DCC: variants seen among roughly 807,000 people sequenced by gnomAD.
DCC encodes netrin receptor DCC.
Under a neutral mutation model 172.5 loss-of-function variants are expected in DCC, and 58 were observed. That is an observed-to-expected ratio of 0.34 (90% confidence interval 0.27 to 0.42). The LOEUF (loss-of-function observed/expected upper bound fraction) is 0.42, where lower values mean the gene tolerates loss of function less well. DCC is among the 10% of genes least tolerant of loss of function. The pLI is 1.00. For synonymous variants in DCC, 709 were observed against 644.5 expected, an observed-to-expected ratio of 1.10 and a Z score of -1.52; for missense variants, 1,740 against 1,791.0, an observed-to-expected ratio of 0.97 and a Z score of 0.51.
intron 1 of DCC, among the ~76,000 whole-genome samples, chr18:52,584,028 C>A (rs2033616133): frequency 6.6e-6 from 1 of 152,162 alleles, no homozygotes; most frequent in Non-Finnish European, 1.5e-5. Context: ...CTTGAAACAG[C>A]ATTTTTTTCA....
chr18:52,645,636 T>C (rs1381530885), intron 1 of DCC, among the ~76,000 whole-genome samples: 1 of 152,086 alleles, frequency 6.6e-6, no homozygotes, highest in Non-Finnish European at 1.5e-5. Flanking sequence ...GTGGACATCA[T>C]AAAGAATAAA....
intron 1 of DCC, among the ~76,000 whole-genome samples, chr18:52,355,891 G>A (rs983405480): frequency 2.0e-5 from 3 of 152,046 alleles, no homozygotes; most frequent in Middle Eastern, 3.2e-3. Flanking sequence ...GTAATTTGGG[G>A]ACCTTACCCA....
chr18:53,289,914 A>G (rs909983689), intron 12 of DCC, among the ~76,000 whole-genome samples: 2 of 152,160 alleles, frequency 1.3e-5, no homozygotes, highest in Admixed American at 6.5e-5. Context: ...TTTTTCAGAA[A>G]ATGGGAATGG....
chr18:52,510,119 CAAA>C (rs34308021), intron 1 of DCC, among the ~76,000 whole-genome samples: 5 of 132,970 alleles, frequency 3.8e-5, no homozygotes, highest in East Asian at 2.1e-4. Flanking sequence ...GCATCCCCTT[CAAA>C]AAAAAAAAAA....
At chr18:52,951,420 C>T (rs7233480) in intron 5 of DCC, among the ~76,000 whole-genome samples, 3 of 151,878 alleles carry the variant, frequency 2.0e-5, no homozygotes, top group African/African-American at 7.2e-5. Flanking sequence ...TGTCCTAATG[C>T]TCTCCTTCCC....
intron 7 of DCC, among the ~76,000 whole-genome samples, chr18:53,127,966 A>C (rs2043589858): frequency 6.6e-6 from 1 of 152,158 alleles, no homozygotes. Flanking sequence ...GTATTTATAA[A>C]CAACAGACTT....
chr18:52,607,704 A>C (rs1219602034), intron 1 of DCC, among the ~76,000 whole-genome samples: 1 of 152,210 alleles, frequency 6.6e-6, no homozygotes, highest in African/African-American at 2.4e-5. Context: ...AGAGTACAAA[A>C]ATATCCATCT....
intron 2 of DCC, among the ~76,000 whole-genome samples, chr18:52,883,724 AG>A (rs1170175993): frequency 7.4e-5 from 2 of 27,194 alleles, no homozygotes; most frequent in Non-Finnish European, 3.1e-4. Context: ...TTTCTACTTA[AG>A]AGTAGTAGTT....
chr18:52,647,254 A>G (rs2035036518), intron 1 of DCC, among the ~76,000 whole-genome samples: 1 of 151,886 alleles, frequency 6.6e-6, no homozygotes, highest in Non-Finnish European at 1.5e-5. Flanking sequence ...TTTGGTCCTC[A>G]CTCCTTTAGG....
intron 1 of DCC, among the ~76,000 whole-genome samples, chr18:52,451,765 T>C (rs1988313450): frequency 6.6e-6 from 1 of 152,094 alleles, no homozygotes; most frequent in African/African-American, 2.4e-5. Flanking sequence ...CTGAGTCGGC[T>C]CGTAGGGCTG....
chr18:53,158,226 C>G (rs567462333), intron 8 of DCC, among the ~76,000 whole-genome samples: 48 of 152,298 alleles, frequency 3.2e-4, no homozygotes, highest in Admixed American at 2.7e-3. Context: ...AATGTCATAT[C>G]AGTGTCCAGT....
At chr18:53,354,868 G>T (rs1343885194) in intron 15 of DCC, among the ~76,000 whole-genome samples, 1 of 147,440 alleles carries the variant, frequency 6.8e-6, no homozygotes, top group African/African-American at 2.6e-5. Flanking sequence ...TGTCCTGAAT[G>T]GTATTGCCTA....
intron 1 of DCC, among the ~76,000 whole-genome samples, chr18:52,507,763 G>A (rs147859513): frequency 2.4e-4 from 36 of 152,122 alleles, no homozygotes; most frequent in South Asian, 2.1e-4. Context: ...GTATCAAACC[G>A]TTTTTTCTTT....
chr18:53,237,500 C>G (rs2056223938), intron 12 of DCC, among the ~76,000 whole-genome samples: 1 of 152,114 alleles, frequency 6.6e-6, no homozygotes, highest in Non-Finnish European at 1.5e-5. Context: ...CACAGCCAAT[C>G]AGTAGTCATA....
intron 5 of DCC, among the ~76,000 whole-genome samples, chr18:53,013,761 A>G (rs2041766259): frequency 6.6e-6 from 1 of 152,172 alleles, no homozygotes; most frequent in Non-Finnish European, 1.5e-5. Context: ...GCTTTTCTCA[A>G]GAAATATGTC....
chr18:52,383,219 T>A (rs953492001), intron 1 of DCC, among the ~76,000 whole-genome samples: 10 of 152,100 alleles, frequency 6.6e-5, no homozygotes, highest in African/African-American at 2.4e-4. Context: ...TTTCCAGAAA[T>A]GCAGTACCAA....
At chr18:52,631,631 T>C (rs532138938) in intron 1 of DCC, among the ~76,000 whole-genome samples, 79 of 152,332 alleles carry the variant, frequency 5.2e-4, no homozygotes, top group African/African-American at 1.8e-3. Flanking sequence ...TGGGCTTGTC[T>C]GTGCTGTGGC....
At chr18:52,408,054 T>G (rs779012273) in intron 1 of DCC, among the ~76,000 whole-genome samples, 4 of 152,134 alleles carry the variant, frequency 2.6e-5, no homozygotes, top group Non-Finnish European at 4.4e-5. Context: ...GCTGTTTTTA[T>G]GAGAAAATAA....
intron 5 of DCC, among the ~76,000 whole-genome samples, chr18:53,008,032 A>G (rs2041671261): frequency 6.6e-6 from 1 of 152,168 alleles, no homozygotes; most frequent in Non-Finnish European, 1.5e-5. Context: ...TTACTATTCC[A>G]AGATTGAAAC....
Sources: gnomAD v4.1 joint callset for allele counts (sites outside exome capture counted in the v4.1 genomes callset) on GRCh38, gnomAD v4.1.1 for gene constraint, MANE v1.5 for transcripts, NCBI Gene and HGNC (gene_info 2026-07-23, HGNC 2026-07-21) for gene names.